Variants in NDRG4 observed in about 807,000 individuals in gnomAD.
NDRG4 encodes the protein protein NDRG4.
In NDRG4, 38 loss-of-function variants were observed where a neutral mutation model predicts 55.8. That is an observed-to-expected ratio of 0.68 (90% CI 0.53 to 0.89). The LOEUF is 0.89. Among genes scored for constraint, NDRG4 ranks in the 40% least tolerant of loss-of-function variants. The pLI is 0.00. For synonymous variants in NDRG4, 190 were observed against 182.7 expected (o/e 1.04, Z -0.32); for missense variants, 455 against 468.6 (o/e 0.97, Z 0.27).
intron 6 of NDRG4, 25 bp downstream of exon 6, chr16:58,506,498 G>GT (rs755975517): frequency 6.2e-7 from 1 of 1,605,884 alleles, no homozygotes; most frequent in African/African-American, 1.3e-5. Context: ...CGGGGGTGGG[G>GT]TGGGTATACC....
intron 2 of NDRG4, among the ~76,000 whole-genome samples, chr16:58,493,432 C>G (rs2036022772): frequency 6.6e-6 from 1 of 152,218 alleles, no homozygotes; most frequent in East Asian, 1.9e-4. Context: ...CCACACCCAG[C>G]TAATTTTTGT....
intron 1 of NDRG4, among the ~76,000 whole-genome samples, chr16:58,484,772 C>T (rs1456835542): frequency 2.6e-5 from 4 of 152,050 alleles, no homozygotes; most frequent in Non-Finnish European, 2.9e-5. Context: ...CCCTGGCGTT[C>T]GCCCACCTCT....
At position 58,503,994 on chromosome 16, in the gene NDRG4, C is replaced by G. The variant is rs551553249; in HGVS notation, c.127+91C>G. On this transcript the variant is annotated intron_variant, in intron 2 of 14. Coordinates refer to ENST00000570248, the MANE Select transcript of NDRG4 (RefSeq NM_001242835.2). The stretch of plus-strand genomic sequence containing the variant: ...CACCCTCCCCACAGGGCCCTGTCAG[C>G]CCCACTCACACTCACCTCTGTTGCC... 5.3e-4 allele frequency: 819 copies of G among 1,530,894 alleles called. 4 individuals are homozygous for G. The highest frequency in any genetic ancestry group is 1.3e-3 in the South Asian group (115 of 89,426). The allele number at this position is 1,530,894 out of a possible 1,614,324, so 94.8% of individuals were successfully genotyped here.
At chr16:58,504,839 A>AT in intron 5 of NDRG4, 190 bp downstream of exon 5, 1 of 615,054 alleles carries the variant, frequency 1.6e-6, no homozygotes, top group Non-Finnish European at 2.8e-6. Context: ...TTTTTTAAAA[A>AT]AGAGGTTCCT....
intron 13 of NDRG4, 106 bp downstream of exon 13, chr16:58,509,458 G>A (rs983103678): frequency 8.3e-7 from 1 of 1,203,142 alleles, no homozygotes; most frequent in Non-Finnish European, 1.2e-6. Context: ...TCAGGTGGTA[G>A]TAGGGAGCCC....
chr16:58,485,412 T>C (rs1241669890), intron 1 of NDRG4, among the ~76,000 whole-genome samples: 1 of 152,126 alleles, frequency 6.6e-6, no homozygotes, highest in African/African-American at 2.4e-5. Flanking sequence ...GCCCTTTTAA[T>C]AGCATGGGCC....
chr16:58,504,113 C>T (rs369984544), intron 2 of NDRG4, 41 bp from the exon 3 acceptor site: 37 of 1,611,258 alleles, frequency 2.3e-5, no homozygotes, highest in Middle Eastern at 1.7e-4. Flanking sequence ...TCCAGTCCCC[C>T]GGCCCCTCTG....
In NDRG4 at chr16:58,504,424, G is replaced by A. The variant is rs2037575263; in HGVS notation, c.311+3G>A. 9.9e-6 allele frequency: 16 copies of A among 1,612,268 alleles called. No homozygotes were observed. Among genetic ancestry groups the A allele is most frequent in the Non-Finnish European group, 1.1e-5 (13 of 1,180,016 alleles). On this transcript the variant is annotated splice_donor_region_variant and intron_variant, in intron 4 of 14. Transcript: ENST00000570248. ...CCCAGCGTGGTGCAGCATTTCGGGT[G>A]AGTCCCCGCACAGCCCCTGCGCTAG... is the stretch of plus-strand genomic sequence containing the variant.
At chr16:58,469,026 A>C (rs2151553500) in intron 1 of NDRG4, among the ~76,000 whole-genome samples, 1 of 152,330 alleles carries the variant, frequency 6.6e-6, no homozygotes, top group East Asian at 1.9e-4. Flanking sequence ...GGATCTTGGA[A>C]ATTTTTAAAA....
At chr16:58,500,744 G>A in intron 1 of NDRG4, 1 of 422,048 alleles carries the variant, frequency 2.4e-6, no homozygotes, top group East Asian at 3.6e-5. Context: ...TGCGTGCCGG[G>A]TCTGTGCGTG....
chr16:58,465,104 TC>T, intron 1 of NDRG4: 1 of 1,286,788 alleles, frequency 7.8e-7, no homozygotes, highest in Non-Finnish European at 1.0e-6. Flanking sequence ...GGGGGAGGAT[TC>T]GAGGAGTGAC....
intron 2 of NDRG4, among the ~76,000 whole-genome samples, chr16:58,488,988 C>T (rs769854884): frequency 2.6e-5 from 4 of 152,080 alleles, no homozygotes; most frequent in East Asian, 1.9e-4. Flanking sequence ...CTTCTGCCTT[C>T]GCTCTGTACC....
rs3048059 is a variant in NDRG4 at position 58,507,493 on chromosome 16, GAAAAC to G, written c.621-307_621-303del. The G allele has an allele frequency of 0.61, 263,959 of 433,032 alleles. 85,445 individuals are homozygous for G. Among genetic ancestry groups the G allele is most frequent in the East Asian group, 0.96 (27,274 of 28,412 alleles). 26.8% of individuals were successfully genotyped at this position (433,032 alleles called of 1,614,324 possible). Reference sequence around the variant, plus strand: ...GCACCTGCTGTGTGCATGGTGCTAAGAAAACAAAACAATAGAGAATAGAGAGACCC... The same window carrying G: ...GCACCTGCTGTGTGCATGGTGCTAAGAAAACAATAGAGAATAGAGAGACCC... On this transcript the variant is annotated intron_variant, in intron 8 of 14. Coordinates refer to ENST00000570248, the MANE Select transcript of NDRG4 (RefSeq NM_001242835.2).
intron 1 of NDRG4, chr16:58,465,040 G>A (rs901592258): frequency 7.9e-7 from 1 of 1,261,992 alleles, no homozygotes; most frequent in African/African-American, 1.5e-5. Context: ...GGCAGTGGCT[G>A]GAGAGCAAGA....
intron 1 of NDRG4, among the ~76,000 whole-genome samples, chr16:58,469,991 G>C (rs1197489211): frequency 6.6e-6 from 1 of 152,138 alleles, no homozygotes; most frequent in African/African-American, 2.4e-5. Context: ...ATTTTTTGTT[G>C]GTTTGTGTTA....
chr16:58,467,824 G>GGGCGGATAGTTGATGACAGTCGTGGAGCT (rs1176853625), intron 1 of NDRG4, among the ~76,000 whole-genome samples: 4 of 152,212 alleles, frequency 2.6e-5, no homozygotes, highest in Non-Finnish European at 4.4e-5. Context: ...AGCTTCTGGC[G>GGGCGGATAGTTGATGACAGTCGTGGAGCT]GGCGGATAGT....
At chr16:58,488,276 G>A (rs994668464) in intron 2 of NDRG4, among the ~76,000 whole-genome samples, 2 of 152,164 alleles carry the variant, frequency 1.3e-5, no homozygotes, top group African/African-American at 4.8e-5. Context: ...AGCCTCTGCG[G>A]CACCTGGGCA....
chr16:58,465,071 G>A (rs2031309392), intron 1 of NDRG4: 2 of 1,283,158 alleles, frequency 1.6e-6, no homozygotes, highest in Non-Finnish European at 2.0e-6. Flanking sequence ...AGGAAGAGGA[G>A]GTGGGAAAGG....
At chr16:58,511,006 G>A (rs766083749) in intron 14 of NDRG4, 4 of 504,888 alleles carry the variant, frequency 7.9e-6, no homozygotes, top group Middle Eastern at 5.2e-4. Flanking sequence ...GGAGAGTTCC[G>A]GAGGGTAGAG....
Sources: gnomAD v4.1 joint callset for allele counts (sites outside exome capture counted in the v4.1 genomes callset) on GRCh38, gnomAD v4.1.1 for gene constraint, MANE v1.5 for transcripts, NCBI Gene and HGNC (gene_info 2026-07-23, HGNC 2026-07-21) for gene names.